The following BTBD8 variants were observed in gnomAD, a reference collection of about 807,000 sequenced individuals.
BTBD8 encodes the protein BTB domain containing 8, also known as BTB/POZ domain-containing protein 8.
Under a neutral mutation model 162.9 loss-of-function variants are expected in BTBD8, and 110 were observed. The observed-to-expected ratio is 0.68, with a 90% CI of 0.58 to 0.79. The LOEUF is 0.79. BTBD8 is among the 30% of genes least tolerant of loss of function. The pLI is 0.00. For synonymous variants in BTBD8, 667 were observed against 716.1 expected (o/e 0.93, Z 1.10); for missense variants, 1,905 against 2,085.4 (o/e 0.91, Z 1.68).
intron 5 of BTBD8, among the ~76,000 whole-genome samples, chr1:92,135,127 G>T (rs568710788): frequency 6.6e-6 from 1 of 151,956 alleles, no homozygotes; most frequent in Admixed American, 6.6e-5. Flanking sequence ...CTGACCTCAG[G>T]TGATCCACCT....
chr1:92,164,568 G>A (rs559421491), intron 9 of BTBD8, among the ~76,000 whole-genome samples: 19 of 151,804 alleles, frequency 1.3e-4, no homozygotes, highest in East Asian at 2.0e-4. Context: ...ACAGTGAGCC[G>A]AGATTGCACC....
Position 92,147,202 on chromosome 1 carries a change from C to T in BTBD8, c.953C>T (p.Ser318Phe). 1.2e-6 allele frequency: 2 copies of T among 1,609,906 alleles called. No homozygotes were observed. The highest frequency in any genetic ancestry group is 2.2e-5 in the South Asian group (2 of 90,160). Residue 318 changes from serine to phenylalanine, a missense_variant, in exon 8 of 18, where the codon TCT (serine) becomes TTT (phenylalanine). By Grantham distance (155) the Ser-to-Phe change is radical. Transcript: ENST00000636805. ...FQKPVPRTLTSILECLIIAHS... is the reference protein window; with the variant it reads ...FQKPVPRTLTFILECLIIAHS... The stretch of plus-strand genomic sequence containing the variant: ...TAGCCTGTTCCCAGAACATTGACGT[C>T]TATACTAGAATGCCTGATTATTGCT...
chr1:92,098,272 T>A (rs1225717016), intron 2 of BTBD8, among the ~76,000 whole-genome samples: 1 of 152,214 alleles, frequency 6.6e-6, no homozygotes, highest in Non-Finnish European at 1.5e-5. Context: ...GCCTGCTATG[T>A]TACCTATTTT....
chr1:92,178,030 A>G (rs1258084006), intron 15 of BTBD8, 132 bp downstream of exon 15: 3 of 574,198 alleles, frequency 5.2e-6, no homozygotes, highest in Non-Finnish European at 9.0e-6. Context: ...ATTTTAACAC[A>G]GTTTTTTATT....
In BTBD8 at chr1:92,184,098, A is replaced by C. The variant is rs746655611; in HGVS notation, c.5147A>C (p.Asn1716Thr). 20 of 1,551,574 alleles carry C rather than the reference A, an allele frequency of 1.3e-5. No homozygotes were observed. The highest frequency in any genetic ancestry group is 1.7e-5 in the Non-Finnish European group (20 of 1,146,882). The change falls in exon 18 of 18, where the codon AAT becomes ACT. Residue 1716 changes from asparagine (N) to threonine (T), a missense_variant. Asn to Thr is a moderately conservative substitution (Grantham distance 65). This residue lies in a region of BTBD8 where 517 missense variants were observed against 606.6 expected (regional missense o/e 0.85). Coordinates refer to ENST00000636805, the MANE Select transcript of BTBD8 (RefSeq NM_001376131.1). ...SEQDSNLDVTNSVPEDLSLAQ... is the reference protein window; with the variant it reads ...SEQDSNLDVTTSVPEDLSLAQ... The stretch of plus-strand genomic sequence containing the variant: ...CAGGATTCAAACTTAGATGTTACAA[A>C]TTCCGTTCCTGAAGACTTAAGTTTA...
At chr1:92,113,598 A>G (rs540737519) in intron 4 of BTBD8, among the ~76,000 whole-genome samples, 1 of 152,278 alleles carries the variant, frequency 6.6e-6, no homozygotes, top group South Asian at 2.1e-4. Flanking sequence ...GACCTGCCTT[A>G]TTGTCCTTGC....
intron 11 of BTBD8, 29 bp from the exon 12 acceptor site, chr1:92,168,837 C>T (rs771792192): frequency 2.7e-6 from 4 of 1,487,400 alleles, no homozygotes; most frequent in African/African-American, 1.4e-5. Context: ...GTGGCTCTCA[C>T]CAGCTGCTGA....
At chr1:92,121,698 A>G (rs7542362) in intron 4 of BTBD8, among the ~76,000 whole-genome samples, 4,408 of 152,296 alleles carry the variant, frequency 0.029, 167 homozygotes, top group African/African-American at 0.085. Context: ...TTCGTCAACT[A>G]AAAAGTCCCC....
intron 15 of BTBD8, 49 bp from the exon 16 acceptor site, chr1:92,178,263 C>G: frequency 7.1e-7 from 1 of 1,413,986 alleles, no homozygotes; most frequent in Non-Finnish European, 9.5e-7. Flanking sequence ...TTAAAAAGTT[C>G]ATGTTTTGGA....
In BTBD8 at chr1:92,080,691, G is replaced by A. The variant is rs1429263801; in HGVS notation, c.120G>A (p.Val40=). The change falls in exon 1 of 18, where the codon GTG becomes GTA. Residue 40 remains valine (V), a synonymous_variant. Transcript: ENST00000636805. ...PCERRRLKAT[V]SEQLSQDLLR... is the part of the protein sequence containing the mutation. The stretch of plus-strand genomic sequence containing the variant: ...AGCGGCGCCGGCTGAAGGCGACGGT[G>A]TCGGAGCAGCTCAGCCAGGATTTGC... 4 of 1,612,448 alleles carry A rather than the reference G, an allele frequency of 2.5e-6. No individual in the cohort carries two copies. Among genetic ancestry groups the A allele is most frequent in the Non-Finnish European group, 3.4e-6 (4 of 1,179,452 alleles).
At chr1:92,153,738 T>G (rs1289313570) in intron 9 of BTBD8, among the ~76,000 whole-genome samples, 2 of 152,236 alleles carry the variant, frequency 1.3e-5, no homozygotes, top group Non-Finnish European at 1.5e-5. Context: ...CACCACATTT[T>G]CTTTATCCAT....
At chr1:92,168,048 T>A in intron 11 of BTBD8, 63 bp downstream of exon 11, 1 of 1,422,526 alleles carries the variant, frequency 7.0e-7, no homozygotes, top group South Asian at 1.5e-5. Context: ...TTTAGATGTA[T>A]GTGCATTTTA....
chr1:92,144,023 A>C (rs1570743019), intron 7 of BTBD8, among the ~76,000 whole-genome samples: 1 of 123,756 alleles, frequency 8.1e-6, no homozygotes, highest in South Asian at 2.7e-4. Flanking sequence ...CCCGGGCTAG[A>C]GTGCAAGTGG....
At chr1:92,169,053 T>A in intron 12 of BTBD8, 58 bp downstream of exon 12, 1 of 1,419,812 alleles carries the variant, frequency 7.0e-7, no homozygotes, top group South Asian at 1.5e-5. Context: ...ACAGCAGATA[T>A]TTTGAGGGCA....
chr1:92,182,203 T>A lies in BTBD8; in HGVS notation c.4520T>A (p.Val1507Glu). The change falls in exon 17 of 18, where the codon GTA becomes GAA. Residue 1507 changes from valine to glutamate, a missense_variant. Around this residue, in one of 3 missense-constraint regions of BTBD8, gnomAD observed 517 missense variants for 606.6 expected, o/e 0.85. Coordinates refer to ENST00000636805, the MANE Select transcript of BTBD8 (RefSeq NM_001376131.1). ...TGTAAACAAAATAAAGGCAATAGTG[T>A]ATGTAAAAATGAAAGCACTGTCTTG... is the stretch of plus-strand genomic sequence containing the variant. ...LECKQNKGNS[V>E]CKNESTVLDL... 1 of 1,550,358 alleles carries A rather than the reference T, an allele frequency of 6.5e-7. No individual in the cohort carries two copies. The highest frequency in any genetic ancestry group is 2.4e-5 in the East Asian group (1 of 40,922).
At chr1:92,147,922 A>G in intron 9 of BTBD8, 136 bp downstream of exon 9, 2 of 716,974 alleles carry the variant, frequency 2.8e-6, no homozygotes, top group Non-Finnish European at 2.2e-6. Context: ...CAGATAACCT[A>G]ATCCTAAGAT....
intron 3 of BTBD8, among the ~76,000 whole-genome samples, chr1:92,107,377 A>G (rs1005705977): frequency 3.3e-5 from 5 of 152,198 alleles, no homozygotes; most frequent in Non-Finnish European, 7.3e-5. Flanking sequence ...ATATATGACA[A>G]AGGTTTCATA....
chr1:92,139,170 A>T (rs533433577), intron 5 of BTBD8, among the ~76,000 whole-genome samples, 180 bp from the exon 6 acceptor site: 27 of 152,332 alleles, frequency 1.8e-4, no homozygotes, highest in African/African-American at 6.0e-4. Flanking sequence ...ATAAAAATCC[A>T]TTGTTGTAGT....
At chr1:92,177,977 T>C in intron 15 of BTBD8, 79 bp downstream of exon 15, 1 of 656,126 alleles carries the variant, frequency 1.5e-6, no homozygotes, top group Non-Finnish European at 2.6e-6. Context: ...TAGCTAAATA[T>C]TTTTAAAATA....
Sources: allele counts gnomAD v4.1 joint callset (sites outside exome capture counted in the v4.1 genomes callset), GRCh38; gene constraint gnomAD v4.1.1; regional missense constraint gnomAD v4.1.1; transcripts MANE v1.5; gene names NCBI Gene and HGNC (gene_info 2026-07-23, HGNC 2026-07-21).